Variants in RALYL observed in about 807,000 individuals in gnomAD.
RALYL encodes RNA-binding Raly-like protein.
RALYL carries 29 observed loss-of-function variants against 35.1 expected under a neutral mutation model. The ratio of observed to expected loss-of-function variants is 0.83; its 90% CI spans 0.61 to 1.13. The LOEUF is 1.13. RALYL is among the 50% of genes most tolerant of loss of function. RALYL has a pLI of 0.00. For synonymous variants in RALYL, 120 were observed against 127.6 expected (o/e 0.94, Z 0.40); for missense variants, 359 against 360.4 (o/e 1.00, Z 0.03).
At chr8:84,337,841 T>A (rs554751896) in intron 1 of RALYL, among the ~76,000 whole-genome samples, 1 of 152,226 alleles carries the variant, frequency 6.6e-6, no homozygotes, top group East Asian at 1.9e-4. Flanking sequence ...AATTTTCCCC[T>A]TATTCTCTTT....
At chr8:84,798,018 C>T (rs1822344759) in intron 3 of RALYL, among the ~76,000 whole-genome samples, 1 of 152,140 alleles carries the variant, frequency 6.6e-6, no homozygotes, top group African/African-American at 2.4e-5. Context: ...CTGAACTTTG[C>T]TTCTACACAT....
At chr8:84,686,467 C>T (rs2132072557) in intron 2 of RALYL, among the ~76,000 whole-genome samples, 1 of 152,214 alleles carries the variant, frequency 6.6e-6, no homozygotes, top group South Asian at 2.1e-4. Flanking sequence ...TGCAGTGGTG[C>T]AATCTCAGTT....
intron 2 of RALYL, among the ~76,000 whole-genome samples, chr8:84,596,453 G>T (rs189955813): frequency 6.6e-6 from 1 of 152,116 alleles, no homozygotes; most frequent in Admixed American, 6.6e-5. Context: ...CAGTTTTTCA[G>T]GGTTAAGAGA....
intron 5 of RALYL, among the ~76,000 whole-genome samples, chr8:84,852,469 A>G (rs1326822653): frequency 1.3e-5 from 2 of 152,192 alleles, no homozygotes; most frequent in African/African-American, 2.4e-5. Flanking sequence ...TGAAAATGTT[A>G]CTTTTTGACA....
chr8:84,751,286 C>A (rs1332178826), intron 2 of RALYL, among the ~76,000 whole-genome samples: 1 of 152,076 alleles, frequency 6.6e-6, no homozygotes, highest in African/African-American at 2.4e-5. Context: ...TGGCTCACTG[C>A]AACCTCCGCC....
At chr8:84,292,860 C>T (rs995206145) in intron 1 of RALYL, among the ~76,000 whole-genome samples, 1 of 152,070 alleles carries the variant, frequency 6.6e-6, no homozygotes, top group African/African-American at 2.4e-5. Context: ...TCTTTTATTC[C>T]TTTACTTTCT....
chr8:84,244,248 G>A lies in RALYL; in HGVS notation c.-24+59824G>A, dbSNP rs1026096193. Among the ~76,000 whole-genome samples, 6 of 152,180 alleles carry A rather than the reference G, an allele frequency of 3.9e-5. No homozygotes were observed. In the East Asian group the frequency reaches 1.2e-3, roughly 29 times the overall value. ...AAGGTTAAGTGACTTACCAAACTGG[G>A]TTTGACTCAAAGATACAGAAACATA... On this transcript the variant is annotated intron_variant, in intron 1 of 8. Transcript: ENST00000521268.
At chr8:84,565,834 T>G (rs755703878) in intron 2 of RALYL, among the ~76,000 whole-genome samples, 1 of 151,686 alleles carries the variant, frequency 6.6e-6, no homozygotes, top group Non-Finnish European at 1.5e-5. Flanking sequence ...CTCAACTTCC[T>G]CATTTGTAAA....
chr8:84,847,670 A>G (rs1376057893), intron 4 of RALYL, among the ~76,000 whole-genome samples: 1 of 152,208 alleles, frequency 6.6e-6, no homozygotes, highest in South Asian at 2.1e-4. Flanking sequence ...TATTATTTTA[A>G]TAATCCATGA....
chr8:84,327,047 C>T (rs1845933522), intron 1 of RALYL, among the ~76,000 whole-genome samples: 3 of 152,126 alleles, frequency 2.0e-5, no homozygotes, highest in South Asian at 2.1e-4. Flanking sequence ...CATGCTACCA[C>T]ATGTTTGATC....
At chr8:84,411,220 C>T (rs1466117357) in intron 1 of RALYL, among the ~76,000 whole-genome samples, 3 of 151,844 alleles carry the variant, frequency 2.0e-5, no homozygotes, top group Non-Finnish European at 1.5e-5. Flanking sequence ...CTGCTTTCTC[C>T]ACTTTCATGC....
At chr8:84,450,119 TA>T (rs2049298729) in intron 1 of RALYL, among the ~76,000 whole-genome samples, 1 of 151,890 alleles carries the variant, frequency 6.6e-6, no homozygotes, top group African/African-American at 2.4e-5. Context: ...AATTTATAGA[TA>T]TTGCTCCAGA....
At chr8:84,552,489 T>A (rs1266898151) in intron 2 of RALYL, among the ~76,000 whole-genome samples, 1 of 148,684 alleles carries the variant, frequency 6.7e-6, no homozygotes, top group Admixed American at 6.8e-5. Flanking sequence ...ATATACACAC[T>A]TATTGCTTAG....
chr8:84,853,748 G>A (rs1836355851), intron 5 of RALYL, among the ~76,000 whole-genome samples: 1 of 152,076 alleles, frequency 6.6e-6, no homozygotes, highest in South Asian at 2.1e-4. Flanking sequence ...AAAACAGAAT[G>A]GAGAGGCTGG....
In RALYL at chr8:84,889,826, C is replaced by T. The variant is rs569630095; in HGVS notation, c.858+2050C>T. The stretch of plus-strand genomic sequence containing the variant: ...TTCACATAGTTATTAAAACCAAAGA[C>T]TAAGATCATCCTTGGCCCCCACCTT... On this transcript the variant is annotated intron_variant, in intron 8 of 8. Transcript: ENST00000521268. Among the ~76,000 whole-genome samples, 4 of 152,228 alleles carry T rather than the reference C, an allele frequency of 2.6e-5. No homozygotes were observed. In the South Asian group the frequency reaches 6.2e-4, roughly 24 times the overall value.
At chr8:84,603,647 G>A (rs1432272985) in intron 2 of RALYL, among the ~76,000 whole-genome samples, 2 of 152,048 alleles carry the variant, frequency 1.3e-5, no homozygotes, top group African/African-American at 4.8e-5. Flanking sequence ...AAGTGAAAGA[G>A]CTAGGTAATG....
At chr8:84,615,249 G>GT (rs1168550396) in intron 2 of RALYL, among the ~76,000 whole-genome samples, 5 of 151,006 alleles carry the variant, frequency 3.3e-5, no homozygotes, top group Non-Finnish European at 7.4e-5. Context: ...CCAGAGGACT[G>GT]TTAGAGATTC....
chr8:84,190,128 G>A (rs1016197080), intron 1 of RALYL, among the ~76,000 whole-genome samples: 1 of 152,168 alleles, frequency 6.6e-6, no homozygotes, highest in Admixed American at 6.5e-5. Flanking sequence ...GCAGTGTGAT[G>A]TGGAAAATTA....
intron 6 of RALYL, among the ~76,000 whole-genome samples, chr8:84,863,747 T>G (rs1021960040): frequency 1.3e-5 from 2 of 152,160 alleles, no homozygotes; most frequent in African/African-American, 4.8e-5. Flanking sequence ...AAGGCTAAAG[T>G]TTGTTGTACT....
Sources: gnomAD v4.1 joint callset for allele counts (sites outside exome capture counted in the v4.1 genomes callset) on GRCh38, gnomAD v4.1.1 for gene constraint, MANE v1.5 for transcripts, NCBI Gene and HGNC (gene_info 2026-07-23, HGNC 2026-07-21) for gene names.